DGKB: variants seen among roughly 807,000 people sequenced by gnomAD.
DGKB encodes the protein diacylglycerol kinase beta.
In DGKB, 67 loss-of-function variants were observed where a neutral mutation model predicts 114.3. The ratio of observed to expected loss-of-function variants is 0.59; its 90% CI spans 0.48 to 0.72. DGKB has a LOEUF of 0.72. Ranked by LOEUF, DGKB falls within the 30% of genes least tolerant of loss-of-function variation. The probability of loss-of-function intolerance (pLI) is 0.00; values close to 1 mark genes in which losing one functional copy is unlikely to be tolerated. For synonymous variants in DGKB, 398 were observed against 323.1 expected (o/e 1.23, Z -2.49); for missense variants, 907 against 975.2 (o/e 0.93, Z 0.93).
chr7:14,213,694 AT>A (rs1447969635), intron 23 of DGKB, among the ~76,000 whole-genome samples: 1 of 152,084 alleles, frequency 6.6e-6, no homozygotes, highest in African/African-American at 2.4e-5. Flanking sequence ...AAAAATGCTG[AT>A]TATTCTGGTT....
intron 20 of DGKB, among the ~76,000 whole-genome samples, chr7:14,509,248 AAG>A (rs769635308): frequency 1.6e-4 from 24 of 152,154 alleles, no homozygotes; most frequent in Non-Finnish European, 3.2e-4. Flanking sequence ...TACTGTGGGA[AAG>A]AGAGTTTCTG....
intron 23 of DGKB, among the ~76,000 whole-genome samples, chr7:14,304,046 AAC>A (rs773102280): frequency 0.011 from 1,219 of 112,666 alleles, 15 homozygotes; most frequent in African/African-American, 0.016. Flanking sequence ...GTTCTTATAG[AAC>A]ACACACACAC....
chr7:14,662,207 A>T (rs537838903), intron 13 of DGKB, among the ~76,000 whole-genome samples: 7,734 of 76,668 alleles, frequency 0.1, 697 homozygotes, highest in African/African-American at 0.29. Flanking sequence ...AAGTATAATA[A>T]TTAAAAAAAA....
chr7:14,494,216 A>G (rs926377054), intron 20 of DGKB, among the ~76,000 whole-genome samples: 2 of 152,014 alleles, frequency 1.3e-5, no homozygotes, highest in Admixed American at 1.3e-4. Context: ...GTATTCCTTA[A>G]AAGAGTATAT....
At chr7:14,379,399 G>GTT (rs754264385) in intron 21 of DGKB, among the ~76,000 whole-genome samples, 12 of 139,442 alleles carry the variant, frequency 8.6e-5, no homozygotes, top group Admixed American at 2.9e-4. Flanking sequence ...AAATTATGGA[G>GTT]TTTTTTTTTT....
chr7:14,893,919 T>A (rs1287671279), intron 1 of DGKB, among the ~76,000 whole-genome samples: 2 of 151,328 alleles, frequency 1.3e-5, no homozygotes. Flanking sequence ...CAGTATAGGA[T>A]CTCCATAATG....
At chr7:14,199,152 A>ATGT (rs1785460051) in intron 23 of DGKB, among the ~76,000 whole-genome samples, 1 of 152,026 alleles carries the variant, frequency 6.6e-6, no homozygotes, top group African/African-American at 2.4e-5. Context: ...CCCTACACTA[A>ATGT]ATAAACTTTA....
chr7:14,305,075 C>T (rs1349439006), intron 23 of DGKB, among the ~76,000 whole-genome samples: 1 of 152,084 alleles, frequency 6.6e-6, no homozygotes, highest in South Asian at 2.1e-4. Context: ...GTGTAATGAT[C>T]CAATCAGGGT....
chr7:14,533,573 G>GA (rs56947638), intron 20 of DGKB, among the ~76,000 whole-genome samples: 79,527 of 151,530 alleles, frequency 0.52, 21,475 homozygotes, highest in East Asian at 0.83. Context: ...CCAGATTCAT[G>GA]ATCCACAAGT....
chr7:14,701,803 A>G, intron 6 of DGKB, 73 bp from the exon 7 acceptor site: 1 of 1,030,384 alleles, frequency 9.7e-7, no homozygotes, highest in Non-Finnish European at 1.5e-6. Context: ...TATATTCATT[A>G]AAATTTAGTT....
At chr7:14,381,124 G>C (rs1419777245) in intron 21 of DGKB, among the ~76,000 whole-genome samples, 1 of 152,190 alleles carries the variant, frequency 6.6e-6, no homozygotes, top group Admixed American at 6.5e-5. Context: ...CGTTCTCTCT[G>C]TGCTGCCATC....
chr7:14,659,013 A>T (rs1816457881), intron 13 of DGKB, among the ~76,000 whole-genome samples: 1 of 151,774 alleles, frequency 6.6e-6, no homozygotes, highest in African/African-American at 2.4e-5. Context: ...TCAACCCATC[A>T]TCTAGGTTTC....
intron 21 of DGKB, among the ~76,000 whole-genome samples, chr7:14,379,784 T>G (rs181963581): frequency 2.0e-4 from 30 of 152,284 alleles, no homozygotes; most frequent in Admixed American, 1.3e-3. Context: ...GGTCTTGATC[T>G]CCTGACCTCG....
chr7:14,937,067 CACACACAT>C (rs72104441), intron 1 of DGKB, among the ~76,000 whole-genome samples: 14,549 of 135,958 alleles, frequency 0.11, 826 homozygotes, highest in Admixed American at 0.18. Flanking sequence ...CACACACACA[CACACACAT>C]CTTTTGTTAA....
At chr7:14,262,737 T>C (rs1409979270) in intron 23 of DGKB, among the ~76,000 whole-genome samples, 2 of 152,066 alleles carry the variant, frequency 1.3e-5, no homozygotes, top group Non-Finnish European at 2.9e-5. Context: ...AGGGAGTGCA[T>C]GTGGAATGAT....
intron 25 of DGKB, 30 bp from the exon 26 acceptor site, chr7:14,149,268 AAG>A: frequency 7.1e-7 from 1 of 1,414,514 alleles, no homozygotes; most frequent in South Asian, 1.2e-5. Flanking sequence ...GAGAGAGAGA[AAG>A]AATAGAGTAA....
intron 1 of DGKB, among the ~76,000 whole-genome samples, chr7:14,893,482 G>A (rs949833653): frequency 1.3e-5 from 2 of 151,342 alleles, no homozygotes; most frequent in East Asian, 1.9e-4. Context: ...GTCAAGATTT[G>A]TTCCTAAAAT....
At chr7:14,703,884 G>A (rs1381273013) in intron 6 of DGKB, among the ~76,000 whole-genome samples, 1 of 152,140 alleles carries the variant, frequency 6.6e-6, no homozygotes, top group Non-Finnish European at 1.5e-5. Context: ...CCCAAGGATA[G>A]TGTGTACTTA....
intron 2 of DGKB, among the ~76,000 whole-genome samples, chr7:14,797,162 G>A (rs748390257): frequency 5.9e-5 from 9 of 152,006 alleles, no homozygotes; most frequent in Non-Finnish European, 1.3e-4. Flanking sequence ...AAGTCTTCTT[G>A]TGCAAGCAGC....
Sources: allele counts gnomAD v4.1 joint callset (sites outside exome capture counted in the v4.1 genomes callset), GRCh38; gene constraint gnomAD v4.1.1; transcripts MANE v1.5; gene names NCBI Gene and HGNC (gene_info 2026-07-23, HGNC 2026-07-21).